The following LHFPL3 variants were observed in gnomAD, a reference collection of about 807,000 sequenced individuals.
LHFPL3 encodes LHFPL tetraspan subfamily member 3.
In LHFPL3, 5 loss-of-function variants were observed where a neutral mutation model predicts 19.3. The ratio of observed to expected loss-of-function variants is 0.26; its 90% confidence interval spans 0.14 to 0.54. The LOEUF (loss-of-function observed/expected upper bound fraction) is 0.54. Ranked by LOEUF, LHFPL3 falls within the 20% of genes least tolerant of loss-of-function variation. The pLI is 0.94. For synonymous variants in LHFPL3, 133 were observed against 126.2 expected, an observed-to-expected ratio of 1.05 and a Z score of -0.36; for missense variants, 249 against 307.4, an observed-to-expected ratio of 0.81 and a Z score of 1.42.
intron 1 of LHFPL3, among the ~76,000 whole-genome samples, chr7:104,368,521 T>C (rs1790541137): frequency 6.6e-6 from 1 of 152,172 alleles, no homozygotes; most frequent in Admixed American, 6.5e-5. Flanking sequence ...TCCTCCTTTA[T>C]GTTCACCAGT....
chr7:104,851,070 T>C (rs1791407258), intron 2 of LHFPL3, among the ~76,000 whole-genome samples: 1 of 152,196 alleles, frequency 6.6e-6, no homozygotes, highest in South Asian at 2.1e-4. Context: ...TAAATATTGT[T>C]CTCATGTCTT....
intron 1 of LHFPL3, among the ~76,000 whole-genome samples, chr7:104,607,110 C>G (rs1180039103): frequency 6.6e-6 from 1 of 152,210 alleles, no homozygotes; most frequent in African/African-American, 2.4e-5. Context: ...TCAGGCCCCT[C>G]TCATAATCCT....
chr7:104,781,869 A>G (rs1794721787), intron 2 of LHFPL3, among the ~76,000 whole-genome samples: 1 of 151,956 alleles, frequency 6.6e-6, no homozygotes. Context: ...CCTCCTTACT[A>G]CTTATTTTGC....
intron 1 of LHFPL3, among the ~76,000 whole-genome samples, chr7:104,545,634 C>T (rs1689273204): frequency 6.6e-6 from 1 of 152,170 alleles, no homozygotes; most frequent in African/African-American, 2.4e-5. Context: ...GATCTATCAC[C>T]TCCTCTTCAA....
intron 2 of LHFPL3, among the ~76,000 whole-genome samples, chr7:104,759,098 T>C (rs1584518981): frequency 1.3e-5 from 2 of 152,212 alleles, no homozygotes; most frequent in East Asian, 3.8e-4. Flanking sequence ...TTTTATTGTC[T>C]GTTGTTAAGC....
At chr7:104,467,104 A>G (rs564209501) in intron 1 of LHFPL3, among the ~76,000 whole-genome samples, 27 of 152,096 alleles carry the variant, frequency 1.8e-4, no homozygotes, top group Admixed American at 3.3e-4. Context: ...ACTTGCATCT[A>G]TGAAGTTCAA....
intron 1 of LHFPL3, among the ~76,000 whole-genome samples, chr7:104,412,375 C>T (rs559767203): frequency 6.6e-6 from 1 of 152,192 alleles, no homozygotes; most frequent in South Asian, 2.1e-4. Flanking sequence ...ATACCCCTTC[C>T]TTCTGTGTGA....
At chr7:104,521,419 AT>A (rs1179608311) in intron 1 of LHFPL3, among the ~76,000 whole-genome samples, 2 of 152,154 alleles carry the variant, frequency 1.3e-5, no homozygotes, top group Non-Finnish European at 2.9e-5. Context: ...AAAAATGTAT[AT>A]TCTGTTGATT....
At chr7:104,469,514 G>A (rs1375460203) in intron 1 of LHFPL3, among the ~76,000 whole-genome samples, 1 of 152,098 alleles carries the variant, frequency 6.6e-6, no homozygotes, top group Non-Finnish European at 1.5e-5. Context: ...TATTAACCAG[G>A]TTTAGCTAAA....
At position 104,458,284 on chromosome 7, in the gene LHFPL3, A is replaced by G. The variant is rs185840355; in HGVS notation, c.445+129060A>G. Among the ~76,000 whole-genome samples the G allele has an allele frequency of 3.1e-3, 471 of 152,206 alleles. 1 individual carries two copies. The highest frequency in any genetic ancestry group is 0.011 in the African/African-American group (455 of 41,504). ...TAAGTCTTTAATCCATCTTAAATTAATTTTTGTACAAGGTGTAAGGAAGGG... is the reference window on the plus strand; with the variant it reads ...TAAGTCTTTAATCCATCTTAAATTAGTTTTTGTACAAGGTGTAAGGAAGGG... On this transcript the variant is annotated intron_variant, in intron 1 of 2. Transcript: ENST00000424859.
At chr7:104,648,004 G>A (rs544112668) in intron 1 of LHFPL3, among the ~76,000 whole-genome samples, 3 of 152,264 alleles carry the variant, frequency 2.0e-5, no homozygotes, top group African/African-American at 2.4e-5. Flanking sequence ...GGATTAACTC[G>A]TATTTGCAGT....
rs142984044 is a variant in LHFPL3, at chr7:104,831,721, A to T, written c.683-74466A>T. Reference sequence around the variant, plus strand: ...TTTCTCCTTCACACACACAAAAAAAAGATGCTTTAAAAAATGTTTCAAAAT... The same window carrying T: ...TTTCTCCTTCACACACACAAAAAAATGATGCTTTAAAAAATGTTTCAAAAT... On this transcript the variant is annotated intron_variant, in intron 2 of 2. Coordinates refer to ENST00000424859, the MANE Select transcript of LHFPL3 (RefSeq NM_199000.3). Among the ~76,000 whole-genome samples the T allele has an allele frequency of 5.7e-3, 869 of 152,034 alleles. 25 individuals carry two copies. The highest frequency in any genetic ancestry group is 0.02 in the African/African-American group (834 of 41,306).
intron 1 of LHFPL3, among the ~76,000 whole-genome samples, chr7:104,631,396 G>A (rs559333282): frequency 6.6e-6 from 1 of 152,064 alleles, no homozygotes; most frequent in East Asian, 1.9e-4. Context: ...GCCCTTGAAA[G>A]GAGCATGACC....
At chr7:104,690,879 G>T (rs1231351632) in intron 1 of LHFPL3, among the ~76,000 whole-genome samples, 1 of 152,174 alleles carries the variant, frequency 6.6e-6, no homozygotes, top group African/African-American at 2.4e-5. Context: ...TGTGCAAGCT[G>T]CTCTGCCACT....
intron 2 of LHFPL3, among the ~76,000 whole-genome samples, chr7:104,808,666 A>G (rs1271860656): frequency 6.6e-6 from 1 of 152,226 alleles, no homozygotes; most frequent in Non-Finnish European, 1.5e-5. Context: ...TTTCCGTTCT[A>G]TTAGTGTGTG....
intron 1 of LHFPL3, among the ~76,000 whole-genome samples, chr7:104,330,412 T>C (rs1041293450): frequency 6.6e-6 from 1 of 152,226 alleles, no homozygotes; most frequent in Non-Finnish European, 1.5e-5. Context: ...ATTCTATTCC[T>C]GGGAAGGTTT....
At chr7:104,526,589 T>A (rs1403916088) in intron 1 of LHFPL3, among the ~76,000 whole-genome samples, 1 of 152,222 alleles carries the variant, frequency 6.6e-6, no homozygotes, top group Non-Finnish European at 1.5e-5. Context: ...TACCTCTTAG[T>A]GACATTAGTT....
At chr7:104,536,651 G>C (rs952600976) in intron 1 of LHFPL3, among the ~76,000 whole-genome samples, 1 of 152,208 alleles carries the variant, frequency 6.6e-6, no homozygotes, top group Non-Finnish European at 1.5e-5. Flanking sequence ...GACTTCCGGA[G>C]TGTTTCCCCT....
At chr7:104,470,432 A>C (rs993541911) in intron 1 of LHFPL3, among the ~76,000 whole-genome samples, 1 of 152,204 alleles carries the variant, frequency 6.6e-6, no homozygotes, top group Non-Finnish European at 1.5e-5. Flanking sequence ...AGGATTTTAA[A>C]GCATTTGTAA....
Sources: allele counts gnomAD v4.1 joint callset (sites outside exome capture counted in the v4.1 genomes callset), GRCh38; gene constraint gnomAD v4.1.1; transcripts MANE v1.5; gene names NCBI Gene and HGNC (gene_info 2026-07-23, HGNC 2026-07-21).